Variants in FGF12 observed in about 807,000 individuals in gnomAD.
The protein encoded by FGF12 is fibroblast growth factor 12B.
Under a neutral mutation model 23.6 loss-of-function variants are expected in FGF12, and 14 were observed. That is an observed-to-expected ratio of 0.59 (90% CI 0.39 to 0.93). FGF12 has a LOEUF of 0.93. Among genes scored for constraint, FGF12 ranks in the 40% least tolerant of loss-of-function variants. The pLI, the probability that FGF12 is intolerant of heterozygous loss-of-function variation, is 0.00. For synonymous variants in FGF12, 62 were observed against 77.3 expected (o/e 0.80, Z 1.04); for missense variants, 175 against 217.8 (o/e 0.80, Z 1.24).
At chr3:192,711,304 C>T (rs1227316662) in intron 2 of FGF12, among the ~76,000 whole-genome samples, 1 of 129,554 alleles carries the variant, frequency 7.7e-6, no homozygotes, top group Non-Finnish European at 1.5e-5. Flanking sequence ...AGCCCCCACC[C>T]AGCCAGCCGC....
intron 4 of FGF12, among the ~76,000 whole-genome samples, chr3:192,299,051 G>A (rs972451564): frequency 1.9e-4 from 29 of 152,166 alleles, no homozygotes; most frequent in Non-Finnish European, 1.3e-4. Flanking sequence ...ACCAGGCCCC[G>A]CCTCCAACAG....
At chr3:192,472,733 C>A (rs1472648581) in intron 2 of FGF12, among the ~76,000 whole-genome samples, 1 of 152,176 alleles carries the variant, frequency 6.6e-6, no homozygotes, top group Non-Finnish European at 1.5e-5. Context: ...CTCTTGCTCT[C>A]CCTGCTGGGC....
intron 2 of FGF12, among the ~76,000 whole-genome samples, chr3:192,363,088 G>A (rs1418319187): frequency 1.3e-5 from 2 of 151,048 alleles, no homozygotes; most frequent in Non-Finnish European, 3.0e-5. Flanking sequence ...GGGGCCTGTT[G>A]TGGGGTAGGG....
intron 4 of FGF12, among the ~76,000 whole-genome samples, chr3:192,242,846 G>A (rs1408386529): frequency 2.0e-5 from 3 of 151,918 alleles, no homozygotes; most frequent in Non-Finnish European, 4.4e-5. Context: ...GTTTACAGGT[G>A]CAATTTAATT....
At chr3:192,298,275 G>T (rs1488790203) in intron 4 of FGF12, among the ~76,000 whole-genome samples, 2 of 152,166 alleles carry the variant, frequency 1.3e-5, no homozygotes, top group Non-Finnish European at 2.9e-5. Flanking sequence ...TGATCTCATA[G>T]AGTTTACAAT....
intron 4 of FGF12, among the ~76,000 whole-genome samples, chr3:192,311,475 T>G (rs1715931298): frequency 6.6e-6 from 1 of 152,232 alleles, no homozygotes; most frequent in African/African-American, 2.4e-5. Context: ...CATCAGTACT[T>G]TACTGCTTTT....
At chr3:192,511,430 C>T (rs1262865089) in intron 2 of FGF12, among the ~76,000 whole-genome samples, 1 of 152,128 alleles carries the variant, frequency 6.6e-6, no homozygotes, top group Admixed American at 6.6e-5. Flanking sequence ...ATTTTAACAC[C>T]ACTCTGATGG....
At chr3:192,508,956 A>G (rs958165177) in intron 2 of FGF12, among the ~76,000 whole-genome samples, 1 of 152,110 alleles carries the variant, frequency 6.6e-6, no homozygotes, top group Non-Finnish European at 1.5e-5. Flanking sequence ...TAATTACTTC[A>G]TTTTGGCACT....
chr3:192,232,149 G>A (rs900179951), intron 4 of FGF12, among the ~76,000 whole-genome samples: 1 of 151,858 alleles, frequency 6.6e-6, no homozygotes, highest in African/African-American at 2.4e-5. Flanking sequence ...CAGGCTATAT[G>A]TGGTAGCTCT....
chr3:192,278,453 C>T (rs1722367640), intron 4 of FGF12, among the ~76,000 whole-genome samples: 1 of 152,118 alleles, frequency 6.6e-6, no homozygotes, highest in African/African-American at 2.4e-5. Context: ...AAAATATAGT[C>T]CCACCTAGGA....
intron 2 of FGF12, among the ~76,000 whole-genome samples, chr3:192,471,177 T>TC (rs1723163318): frequency 6.6e-6 from 1 of 152,198 alleles, no homozygotes; most frequent in African/African-American, 2.4e-5. Flanking sequence ...AACATCATAC[T>TC]CGCTCAGGTT....
chr3:192,241,270 G>C (rs998874042), intron 4 of FGF12, among the ~76,000 whole-genome samples: 1 of 152,144 alleles, frequency 6.6e-6, no homozygotes, highest in Non-Finnish European at 1.5e-5. Context: ...AAGGATTAAG[G>C]TGACAGAAGA....
Position 192,464,587 on chromosome 3 carries a change from G to A in FGF12, c.14-104049C>T, listed in dbSNP as rs373389991. Among the ~76,000 whole-genome samples the A allele has an allele frequency of 2.0e-3, 295 of 151,166 alleles. 1 individual carries two copies. Among genetic ancestry groups the A allele is most frequent in the Middle Eastern group, 3.4e-3 (1 of 292 alleles). On this transcript the variant is annotated intron_variant, in intron 2 of 5. Transcript: ENST00000445105. ...GCACTCATTGATTGATGGGCATTTGGGCTGGTTCCATATTTTTGCAATTGC... is the reference window on the plus strand; with the variant it reads ...GCACTCATTGATTGATGGGCATTTGAGCTGGTTCCATATTTTTGCAATTGC...
chr3:192,180,243 T>C (rs1341037965), intron 4 of FGF12, among the ~76,000 whole-genome samples: 1 of 152,170 alleles, frequency 6.6e-6, no homozygotes, highest in Non-Finnish European at 1.5e-5. Context: ...ACTCAGCCTC[T>C]AGCCAGAAGA....
At chr3:192,374,583 A>G (rs1220013412) in intron 2 of FGF12, among the ~76,000 whole-genome samples, 1 of 152,230 alleles carries the variant, frequency 6.6e-6, no homozygotes, top group African/African-American at 2.4e-5. Flanking sequence ...ACAGAAAACT[A>G]ATAATAACCT....
At chr3:192,707,854 G>A (rs1718526054) in intron 2 of FGF12, among the ~76,000 whole-genome samples, 1 of 151,938 alleles carries the variant, frequency 6.6e-6, no homozygotes, top group Non-Finnish European at 1.5e-5. Context: ...GCAGGAGAAA[G>A]TTTTTATGCC....
intron 4 of FGF12, among the ~76,000 whole-genome samples, chr3:192,242,294 T>G (rs1719660540): frequency 6.6e-6 from 1 of 152,178 alleles, no homozygotes; most frequent in Non-Finnish European, 1.5e-5. Flanking sequence ...GGAAGATAAT[T>G]TTTGTTGTGG....
intron 2 of FGF12, among the ~76,000 whole-genome samples, chr3:192,367,421 T>C (rs562545431): frequency 3.6e-4 from 55 of 152,292 alleles, no homozygotes; most frequent in African/African-American, 1.2e-3. Context: ...GGGCATTACA[T>C]TGATGCAGAC....
chr3:192,246,196 A>C (rs907460838), intron 4 of FGF12, among the ~76,000 whole-genome samples: 1 of 152,162 alleles, frequency 6.6e-6, no homozygotes, highest in Admixed American at 6.5e-5. Context: ...TATATTTTAG[A>C]ATTATAATTA....
Sources: gnomAD v4.1 joint callset for allele counts (sites outside exome capture counted in the v4.1 genomes callset) on GRCh38, gnomAD v4.1.1 for gene constraint, MANE v1.5 for transcripts, NCBI Gene and HGNC (gene_info 2026-07-23, HGNC 2026-07-21) for gene names.